Variants in L3MBTL3 observed in about 807,000 individuals in gnomAD.
L3MBTL3 encodes lethal(3)malignant brain tumor-like protein 3.
A neutral mutation model predicts 102.3 loss-of-function variants in L3MBTL3; 27 were observed. The ratio of observed to expected loss-of-function variants is 0.26; its 90% CI spans 0.19 to 0.36. The LOEUF (loss-of-function observed/expected upper bound fraction) is 0.36, where lower values mean the gene tolerates loss of function less well. Ranked by LOEUF, L3MBTL3 falls within the 10% of genes least tolerant of loss-of-function variation. L3MBTL3 has a pLI of 1.00. For missense variants in L3MBTL3, 798 were observed against 955.3 expected, an observed-to-expected ratio of 0.84 and a Z score of 2.17; for synonymous variants, 340 against 320.9, an observed-to-expected ratio of 1.06 and a Z score of -0.64.
In L3MBTL3 at chr6:130,066,461, A is replaced by T; in HGVS notation, c.973A>T (p.Thr325Ser). ...CCACCCAGTTGGGTGGTGTGAGAAAACCGGCCACAAACTCCATCCTCCAAA... is the reference window on the plus strand; with the variant it reads ...CCACCCAGTTGGGTGGTGTGAGAAATCCGGCCACAAACTCCATCCTCCAAA... ...DIHPVGWCEK[T>S]GHKLHPPKGY... is the part of the protein sequence containing the mutation. The change falls in exon 11 of 23, where the codon ACC (threonine) becomes TCC (serine). Residue 325 changes from threonine to serine, a missense_variant. By Grantham distance (58) the Thr-to-Ser change is moderately conservative. Around this residue, in one of 4 missense-constraint regions of L3MBTL3, gnomAD observed 434 missense variants for 506.6 expected, o/e 0.86. Coordinates refer to ENST00000361794, the MANE Select transcript of L3MBTL3 (RefSeq NM_032438.4). 6.2e-7 allele frequency: 1 copy of T among 1,610,372 alleles called. No homozygotes were observed. Among genetic ancestry groups the T allele is most frequent in the Non-Finnish European group, 8.5e-7 (1 of 1,178,674 alleles).
At chr6:130,108,626 A>G (rs1194528379) in intron 19 of L3MBTL3, among the ~76,000 whole-genome samples, 1 of 151,320 alleles carries the variant, frequency 6.6e-6, no homozygotes, top group Non-Finnish European at 1.5e-5. Context: ...GAATGGCTGG[A>G]CCATTTGTTT....
chr6:130,137,488 G>GTT (rs1254707387), intron 22 of L3MBTL3: 1 of 152,184 alleles, frequency 6.6e-6, no homozygotes, highest in Non-Finnish European at 1.5e-5. Context: ...GTAATAAAGA[G>GTT]TTTGGAAGTA....
At chr6:130,100,324 C>T (rs58802401) in intron 18 of L3MBTL3, among the ~76,000 whole-genome samples, 1,751 of 152,202 alleles carry the variant, frequency 0.012, 41 homozygotes, top group African/African-American at 0.041. Flanking sequence ...GAACCAGGCT[C>T]CCTGATGTCC....
At chr6:130,062,990 CT>C (rs367985147) in intron 10 of L3MBTL3, among the ~76,000 whole-genome samples, 2,485 of 126,166 alleles carry the variant, frequency 0.02, 40 homozygotes, top group Middle Eastern at 0.073. Context: ...TCTTGCCTTT[CT>C]TTTTTTTTTT....
intron 13 of L3MBTL3, among the ~76,000 whole-genome samples, chr6:130,076,638 G>A (rs1426017947): frequency 6.6e-6 from 1 of 152,092 alleles, no homozygotes; most frequent in Non-Finnish European, 1.5e-5. Context: ...GAAGAGTACA[G>A]CAATCAGTGT....
intron 2 of L3MBTL3, among the ~76,000 whole-genome samples, chr6:130,030,103 C>T (rs1779613998): frequency 6.6e-6 from 1 of 152,098 alleles, no homozygotes; most frequent in South Asian, 2.1e-4. Flanking sequence ...TTTTGATTCA[C>T]CTGCCTCGGT....
intron 2 of L3MBTL3, among the ~76,000 whole-genome samples, chr6:130,035,178 A>G (rs966377191): frequency 1.3e-5 from 2 of 152,222 alleles, no homozygotes; most frequent in Non-Finnish European, 2.9e-5. Flanking sequence ...TAAACATTCA[A>G]CAGATACAAA....
At chr6:130,091,875 G>A (rs190721444) in intron 16 of L3MBTL3, among the ~76,000 whole-genome samples, 312 of 151,844 alleles carry the variant, frequency 2.1e-3, no homozygotes, top group African/African-American at 7.2e-3. Context: ...AGGGAGTAGG[G>A]CATAAAGTGG....
chr6:130,072,149 A>C (rs1428447712), intron 13 of L3MBTL3, among the ~76,000 whole-genome samples: 2 of 151,950 alleles, frequency 1.3e-5, no homozygotes, highest in Non-Finnish European at 2.9e-5. Flanking sequence ...AAAAAGAAAA[A>C]TAGCAATACA....
intron 2 of L3MBTL3, among the ~76,000 whole-genome samples, chr6:130,037,146 A>G (rs1008034306): frequency 6.6e-6 from 1 of 152,214 alleles, no homozygotes; most frequent in Non-Finnish European, 1.5e-5. Context: ...AAAAGTATGT[A>G]TTGTGCCTGA....
intron 19 of L3MBTL3, among the ~76,000 whole-genome samples, chr6:130,105,656 T>C (rs1784941915): frequency 6.7e-6 from 1 of 150,252 alleles, no homozygotes; most frequent in Non-Finnish European, 1.5e-5. Context: ...TTAAAACATA[T>C]AACGGTTATT....
In L3MBTL3 at chr6:130,024,898, C is replaced by G. The variant is rs1454217206; in HGVS notation, c.-16+2593C>G. Among the ~76,000 whole-genome samples, 3 of 152,110 alleles carry G rather than the reference C, an allele frequency of 2.0e-5. No individual in the cohort carries two copies. The East Asian group carries it at 5.8e-4, about 29-fold the overall frequency. On this transcript the variant is annotated intron_variant, in intron 2 of 22. Coordinates refer to ENST00000361794, the MANE Select transcript of L3MBTL3 (RefSeq NM_032438.4). ...TCTAGCACTCTTTGGAGCTGTTGAA[C>G]CAGGAAACATGGATTTCTGGGCTAA...
chr6:130,018,751 A>T (rs1778724505), intron 1 of L3MBTL3, 87 bp downstream of exon 1: 1 of 152,200 alleles, frequency 6.6e-6, no homozygotes, highest in Non-Finnish European at 1.5e-5. Flanking sequence ...CTGGGTGAGG[A>T]TGAAAGTTAA....
Position 130,139,862 on chromosome 6 carries a change from A to G in L3MBTL3, c.*109A>G. The G allele has an allele frequency of 1.1e-6, 1 of 929,610 alleles. No homozygotes were observed. Among genetic ancestry groups the G allele is most frequent in the East Asian group, 2.6e-5 (1 of 38,850 alleles). 57.6% of individuals were successfully genotyped at this position (929,610 alleles called of 1,614,324 possible). On this transcript the variant is annotated 3_prime_UTR_variant, in exon 23 of 23. Transcript: ENST00000361794. ...GTGAGAAGTCTCCAAAACTCAAAAG[A>G]GCAACACTATCGGATTATTTATATT...
chr6:130,139,934 T>TA lies in L3MBTL3; in HGVS notation c.*181_*182insA. ...AATTCTTATGAAAGTGCTTGAGCTT[T>TA]TAACCAGGTACTGTCTAACAACAGT... On this transcript the variant is annotated 3_prime_UTR_variant, in exon 23 of 23. Transcript: ENST00000361794. 1 of 520,288 alleles carries TA rather than the reference T, an allele frequency of 1.9e-6. No individual in the cohort carries two copies. The highest frequency in any genetic ancestry group is 3.6e-5 in the East Asian group (1 of 27,586). The allele number at this position is 520,288 out of a possible 1,614,324, so 32.2% of individuals were successfully genotyped here. A position where few individuals can be genotyped will look rare whatever the true frequency, so the allele number is the denominator to read the frequency against.
rs1780496810 is a variant in L3MBTL3 at position 130,042,658 on chromosome 6, G to A, written c.-15-27G>A. 3.9e-6 allele frequency: 5 copies of A among 1,276,944 alleles called. No homozygotes were observed. In the East Asian group the frequency reaches 9.3e-5, roughly 24 times the overall value. The allele number at this position is 1,276,944 out of a possible 1,614,324, so 79.1% of individuals were successfully genotyped here. On this transcript the variant is annotated intron_variant, in intron 2 of 22. Coordinates refer to ENST00000361794, the MANE Select transcript of L3MBTL3 (RefSeq NM_032438.4). ...AACAGATTTCCATGTGGAATATTTA[G>A]TGATATGCCTTCTTTTCCCCTTTCA...
intron 16 of L3MBTL3, among the ~76,000 whole-genome samples, chr6:130,092,426 C>T (rs1156680079): frequency 1.3e-5 from 2 of 151,530 alleles, no homozygotes. Context: ...TGATGTTGAT[C>T]ATATGAAGAT....
chr6:130,040,799 A>C (rs145097264), intron 2 of L3MBTL3, among the ~76,000 whole-genome samples: 1 of 152,332 alleles, frequency 6.6e-6, no homozygotes, highest in East Asian at 1.9e-4. Flanking sequence ...TGGCATGTCA[A>C]AGTACTTCCC....
chr6:130,057,856 G>A (rs1465086174), intron 9 of L3MBTL3, among the ~76,000 whole-genome samples: 5 of 152,178 alleles, frequency 3.3e-5, no homozygotes, highest in Non-Finnish European at 7.3e-5. Flanking sequence ...TTAAAAATGA[G>A]TTACTGGCCG....
Sources: allele counts gnomAD v4.1 joint callset (sites outside exome capture counted in the v4.1 genomes callset), GRCh38; gene constraint gnomAD v4.1.1; regional missense constraint gnomAD v4.1.1; transcripts MANE v1.5; gene names NCBI Gene and HGNC (gene_info 2026-07-23, HGNC 2026-07-21).